The following PLCXD3 variants were observed in gnomAD, a reference collection of about 807,000 sequenced individuals.
PLCXD3 encodes the protein phosphatidylinositol specific phospholipase C X domain containing 3.
In PLCXD3, 19 loss-of-function variants were observed where a neutral mutation model predicts 25.5. That is an observed-to-expected ratio of 0.75 (90% CI 0.52 to 1.09). The LOEUF is 1.09. Among genes scored for constraint, PLCXD3 ranks in the 50% least tolerant of loss-of-function variants. The pLI, the probability that PLCXD3 is intolerant of heterozygous loss-of-function variation, is 0.00. For missense variants in PLCXD3, 411 were observed against 388.1 expected (o/e 1.06, Z -0.50); for synonymous variants, 174 against 137.6 (o/e 1.26, Z -1.85).
chr5:41,401,170 A>G (rs1269532121), intron 1 of PLCXD3, among the ~76,000 whole-genome samples: 1 of 151,906 alleles, frequency 6.6e-6, no homozygotes, highest in Non-Finnish European at 1.5e-5. Context: ...ACTTTCTTCC[A>G]TGTACTTAAT....
chr5:41,456,118 C>T (rs963269139), intron 1 of PLCXD3, among the ~76,000 whole-genome samples: 2 of 151,702 alleles, frequency 1.3e-5, no homozygotes, highest in African/African-American at 2.4e-5. Context: ...GGAGGGAGAG[C>T]GGTTCAATTT....
intron 1 of PLCXD3, among the ~76,000 whole-genome samples, chr5:41,495,895 C>T (rs1295610085): frequency 1.3e-5 from 2 of 151,882 alleles, no homozygotes; most frequent in East Asian, 3.9e-4. Context: ...AAATAAGTTT[C>T]TAGAAACCAA....
chr5:41,413,784 C>T (rs1015066141), intron 1 of PLCXD3, among the ~76,000 whole-genome samples: 3 of 152,048 alleles, frequency 2.0e-5, no homozygotes, highest in Admixed American at 2.0e-4. Flanking sequence ...TAAAAATCAC[C>T]TATATTCTGC....
At chr5:41,434,295 A>C (rs1407349467) in intron 1 of PLCXD3, among the ~76,000 whole-genome samples, 1 of 152,262 alleles carries the variant, frequency 6.6e-6, no homozygotes, top group Non-Finnish European at 1.5e-5. Context: ...CATTCAATGA[A>C]TACTGAGTGC....
chr5:41,324,053 C>A (rs375025484), intron 2 of PLCXD3, among the ~76,000 whole-genome samples: 4 of 151,822 alleles, frequency 2.6e-5, no homozygotes, highest in African/African-American at 9.7e-5. Flanking sequence ...GAGCTGTGAA[C>A]GTGGATAAGA....
intron 1 of PLCXD3, among the ~76,000 whole-genome samples, chr5:41,395,966 A>G (rs1243578728): frequency 6.6e-6 from 1 of 151,352 alleles, no homozygotes; most frequent in Non-Finnish European, 1.5e-5. Flanking sequence ...AGGCCAGCAT[A>G]CCCTGATACT....
intron 2 of PLCXD3, among the ~76,000 whole-genome samples, chr5:41,330,431 A>T (rs889060156): frequency 6.6e-6 from 1 of 152,124 alleles, no homozygotes; most frequent in Non-Finnish European, 1.5e-5. Context: ...CAATAACAGG[A>T]TCTGAAATTG....
chr5:41,386,535 C>T (rs2150494363), intron 1 of PLCXD3, among the ~76,000 whole-genome samples: 1 of 152,134 alleles, frequency 6.6e-6, no homozygotes, highest in Non-Finnish European at 1.5e-5. Flanking sequence ...TTTCTTGTGA[C>T]TATGTCACAT....
intron 1 of PLCXD3, among the ~76,000 whole-genome samples, chr5:41,384,854 A>G (rs1203064430): frequency 1.3e-5 from 2 of 152,106 alleles, no homozygotes; most frequent in African/African-American, 2.4e-5. Context: ...GGAGAAACCA[A>G]TGGTGGCTTC....
At chr5:41,499,029 A>G (rs933100624) in intron 1 of PLCXD3, among the ~76,000 whole-genome samples, 1 of 151,696 alleles carries the variant, frequency 6.6e-6, no homozygotes, top group African/African-American at 2.4e-5. Context: ...GCCACATATG[A>G]CAAGCCCATA....
intron 1 of PLCXD3, among the ~76,000 whole-genome samples, chr5:41,468,647 A>G (rs1344231526): frequency 2.0e-5 from 3 of 151,946 alleles, no homozygotes; most frequent in African/African-American, 7.3e-5. Flanking sequence ...TGTAAATGGG[A>G]TTATTTTATT....
chr5:41,360,366 A>G (rs907599256), intron 2 of PLCXD3, among the ~76,000 whole-genome samples: 2 of 151,452 alleles, frequency 1.3e-5, no homozygotes, highest in African/African-American at 4.9e-5. Flanking sequence ...CAATTAAGAG[A>G]TTTCATCTTG....
chr5:41,336,115 C>T (rs1015229597), intron 2 of PLCXD3, among the ~76,000 whole-genome samples: 5 of 152,046 alleles, frequency 3.3e-5, no homozygotes, highest in African/African-American at 1.2e-4. Context: ...TAACATGTGG[C>T]CTTTGGAAGG....
At chr5:41,450,548 A>G (rs7724484) in intron 1 of PLCXD3, among the ~76,000 whole-genome samples, 95,175 of 151,928 alleles carry the variant, frequency 0.63, 31,752 homozygotes, top group Admixed American at 0.73. Context: ...TGATAGAAGC[A>G]GCTTGAAAGT....
chr5:41,321,220 A>G (rs567316111), intron 2 of PLCXD3, among the ~76,000 whole-genome samples: 2 of 152,378 alleles, frequency 1.3e-5, no homozygotes, highest in African/African-American at 4.8e-5. Flanking sequence ...AAGAAAACAG[A>G]AGTGATAAGC....
intron 1 of PLCXD3, among the ~76,000 whole-genome samples, chr5:41,387,893 G>A (rs1745688447): frequency 6.6e-6 from 1 of 151,966 alleles, no homozygotes; most frequent in African/African-American, 2.4e-5. Context: ...GATTTTTTAG[G>A]CACTATTGTG....
chr5:41,339,381 G>C (rs1017403517), intron 2 of PLCXD3, among the ~76,000 whole-genome samples: 4 of 152,114 alleles, frequency 2.6e-5, no homozygotes, highest in Non-Finnish European at 4.4e-5. Context: ...GGGGATAATA[G>C]CCATCTGAGT....
At chr5:41,425,093 ATCTT>A (rs910914491) in intron 1 of PLCXD3, among the ~76,000 whole-genome samples, 1 of 152,050 alleles carries the variant, frequency 6.6e-6, no homozygotes, top group African/African-American at 2.4e-5. Flanking sequence ...TACTTGGTAA[ATCTT>A]TCTTTTAATC....
At chr5:41,316,211 C>T (rs1279038847) in intron 2 of PLCXD3, among the ~76,000 whole-genome samples, 2 of 152,142 alleles carry the variant, frequency 1.3e-5, no homozygotes, top group Non-Finnish European at 2.9e-5. Context: ...ATGAGGTCCC[C>T]GTTCCAGGCC....
Sources: allele counts gnomAD v4.1 joint callset (sites outside exome capture counted in the v4.1 genomes callset), GRCh38; gene constraint gnomAD v4.1.1; transcripts MANE v1.5; gene names NCBI Gene and HGNC (gene_info 2026-07-23, HGNC 2026-07-21).